The following HSPG2 variants were observed in gnomAD, a reference collection of about 807,000 sequenced individuals.
HSPG2 encodes the protein basement membrane-specific heparan sulfate proteoglycan core protein.
Under a neutral mutation model 526.6 loss-of-function variants are expected in HSPG2, and 278 were observed. That is an observed-to-expected ratio of 0.53 (90% CI 0.48 to 0.58). The LOEUF (loss-of-function observed/expected upper bound fraction) is 0.58. Among genes scored for constraint, HSPG2 ranks in the 20% least tolerant of loss-of-function variants. The probability of loss-of-function intolerance (pLI) is 0.00; values close to 1 mark genes in which losing one functional copy is unlikely to be tolerated. For synonymous variants in HSPG2, 2,465 were observed against 2,555.4 expected, an observed-to-expected ratio of 0.96 and a Z score of 1.07; for missense variants, 5,354 against 6,099.5, an observed-to-expected ratio of 0.88 and a Z score of 4.07.
Position 21,876,331 on chromosome 1 carries a change from G to T in HSPG2, c.2901C>A (p.Gly967=). 1 of 1,614,002 alleles carries T rather than the reference G, an allele frequency of 6.2e-7. No homozygotes were observed. The highest frequency in any genetic ancestry group is 8.5e-7 in the Non-Finnish European group (1 of 1,179,990). The change falls in exon 23 of 97, where the codon GGC becomes GGA. Residue 967 remains glycine (G), a synonymous_variant. Transcript: ENST00000374695. ...GTTCCCCGGGCGTGGGGGAGAAGAT[G>T]CCCTCGTTGGTGGTGTGGGTGCTTG... ...NAASTHTTNE[G]IFSPTPGELG... is the part of the protein sequence containing the mutation.
intron 56 of HSPG2, 26 bp from the exon 57 acceptor site, chr1:21,850,218 T>C (rs138374305): frequency 9.3e-6 from 15 of 1,613,144 alleles, no homozygotes; most frequent in African/African-American, 4.0e-5. Flanking sequence ...AAAGGGTCAA[T>C]AGCCGGCTAG....
At chr1:21,900,100 G>T (rs1191283748) in intron 1 of HSPG2, among the ~76,000 whole-genome samples, 16 of 152,244 alleles carry the variant, frequency 1.1e-4, no homozygotes, top group Non-Finnish European at 5.9e-5. Flanking sequence ...GGCGGTGAGG[G>T]AGCCCGGCTT....
Position 21,865,278 on chromosome 1 carries a change from C to T in HSPG2, c.4395+7G>A, listed in dbSNP as rs753926521. On this transcript the variant is annotated splice_region_variant and intron_variant, in intron 35 of 96. Coordinates refer to ENST00000374695, the MANE Select transcript of HSPG2 (RefSeq NM_005529.7). This position sits in a 1 kb window ranked among gnomAD's most constrained non-coding sequence, Gnocchi z 5.4. ...GGTTAGACACAGCATGGCCAGGTGCCCCTTACCTCTCGGAACATGATCTCG... is the reference window on the plus strand; with the variant it reads ...GGTTAGACACAGCATGGCCAGGTGCTCCTTACCTCTCGGAACATGATCTCG... 8.7e-6 allele frequency: 14 copies of T among 1,613,660 alleles called. No homozygotes were observed. The South Asian group carries it at 1.4e-4, about 16-fold the overall frequency.
intron 80 of HSPG2, 174 bp from the exon 81 acceptor site, chr1:21,832,780 C>T (rs759673574): frequency 3.6e-5 from 22 of 615,966 alleles, no homozygotes; most frequent in East Asian, 2.2e-4. Flanking sequence ...GTGCCCCAAA[C>T]GCAAGGGCCT....
At position 21,937,157 on chromosome 1, in the gene HSPG2, C is replaced by T; in HGVS notation, c.61G>A (p.Ala21Thr). Residue 21 changes from alanine to threonine, a missense_variant and splice_region_variant, in exon 1 of 97, where the codon GCG becomes ACG. Coordinates refer to ENST00000374695, the MANE Select transcript of HSPG2 (RefSeq NM_005529.7). ...GCCCCTCTGCCCCGCACACTCACCG[C>T]CAGCAGCCGCCCGTGCAGCAGCAGC... ...LALLLHGRLL[A>T]VTHGLRAYDG... is the part of the protein sequence containing the mutation. 1 of 1,031,906 alleles carries T rather than the reference C, an allele frequency of 9.7e-7. No homozygotes were observed. 63.9% of individuals were successfully genotyped at this position (1,031,906 alleles called of 1,614,324 possible).
rs747834765 is a variant in HSPG2, at chr1:21,884,777, G to A, written c.1497C>T (p.Val499=). 16 of 1,613,452 alleles carry A rather than the reference G, an allele frequency of 9.9e-6. No homozygotes were observed. Among genetic ancestry groups the A allele is most frequent in the Non-Finnish European group, 1.4e-5 (16 of 1,180,002 alleles). The part of the protein sequence containing the change: ...FGIPDGVLEL[V]PQRGPCPDGH... ...GCCCTCCGGCAGTACCTCGTTGTGGGACGAGCTCAAGGACACCGTCAGGAA... is the reference window on the plus strand; with the variant it reads ...GCCCTCCGGCAGTACCTCGTTGTGGAACGAGCTCAAGGACACCGTCAGGAA... The change falls in exon 12 of 97, where the codon GTC becomes GTT. Residue 499 remains valine, a synonymous_variant. Coordinates refer to ENST00000374695, the MANE Select transcript of HSPG2 (RefSeq NM_005529.7).
In HSPG2 at chr1:21,852,935, A is replaced by G; in HGVS notation, c.6575T>C (p.Leu2192Pro). The G allele has an allele frequency of 6.2e-7, 1 of 1,613,172 alleles. No homozygotes were observed. The highest frequency in any genetic ancestry group is 2.2e-5 in the East Asian group (1 of 44,872). The change falls in exon 51 of 97, where the codon CTC becomes CCC. Residue 2192 changes from leucine to proline, a missense_variant. Physicochemically the swap from Leu to Pro is moderately conservative, Grantham distance 98. Coordinates refer to ENST00000374695, the MANE Select transcript of HSPG2 (RefSeq NM_005529.7). ...CTGCCATACCTGGTGCCGGGCAGGGAGGCTGCCCCCACGCTTGTGCCACGT... is the reference window on the plus strand; with the variant it reads ...CTGCCATACCTGGTGCCGGGCAGGGGGGCTGCCCCCACGCTTGTGCCACGT... ...QVTWHKRGGSLPARHQTHGSL... is the reference protein window; with the variant it reads ...QVTWHKRGGSPPARHQTHGSL...
In HSPG2 at chr1:21,841,495, G is replaced by T. The variant is rs2270697; in HGVS notation, c.9328+44C>A. On this transcript the variant is annotated intron_variant, in intron 70 of 96. Transcript: ENST00000374695. ...TTGGAGGCTCTGAGCTGAGAATCAG[G>T]GCTGGAAACAGGGCAGAGCCCCACA... 0.17 allele frequency: 279,350 copies of T among 1,611,542 alleles called. 26,073 individuals carry two copies. The highest frequency in any genetic ancestry group is 0.27 in the South Asian group (24,271 of 90,994).
chr1:21,831,136 C>T, intron 84 of HSPG2, 46 bp from the exon 85 acceptor site: 1 of 1,604,218 alleles, frequency 6.2e-7, no homozygotes, highest in Non-Finnish European at 8.5e-7. Flanking sequence ...TTCAGTACCC[C>T]CCATAATCCC....
rs1640693261 is a variant in HSPG2 at position 21,872,069 on chromosome 1, C to T, written c.4221+117G>A. The T allele has an allele frequency of 9.7e-6, 11 of 1,129,372 alleles. No homozygotes were observed. The South Asian group carries it at 1.5e-4, about 15-fold the overall frequency. The allele number at this position is 1,129,372 out of a possible 1,614,324, so 70.0% of individuals were successfully genotyped here. The stretch of plus-strand genomic sequence containing the variant: ...CCAATGTCTATGGGACTGCAAAAGC[C>T]ACGTGCCTAACCACGATATGGCCAT... On this transcript the variant is annotated intron_variant, in intron 33 of 96. Coordinates refer to ENST00000374695, the MANE Select transcript of HSPG2 (RefSeq NM_005529.7). The surrounding 1 kb of genome is among the most constrained non-coding windows in gnomAD (Gnocchi z 5.5).
In HSPG2 at chr1:21,829,708, G is replaced by T. The variant is rs549082790; in HGVS notation, c.11771-104C>A. 18 of 1,022,906 alleles carry T rather than the reference G, an allele frequency of 1.8e-5. No homozygotes were observed. The African/African-American group carries it at 2.4e-4, about 14-fold the overall frequency. The allele number at this position is 1,022,906 out of a possible 1,614,324, so 63.4% of individuals were successfully genotyped here. A position where few individuals can be genotyped will look rare whatever the true frequency, so the allele number is the denominator to read the frequency against. ...GGACCCTTGCCTGCCTCACTCTCCA[G>T]GCCCAGAGGCTCAGGACCAGTTGGC... is the stretch of plus-strand genomic sequence containing the variant. On this transcript the variant is annotated intron_variant, in intron 86 of 96. Coordinates refer to ENST00000374695, the MANE Select transcript of HSPG2 (RefSeq NM_005529.7).
Position 21,860,388 on chromosome 1 carries a change from C to T in HSPG2, c.4956-153G>A, listed in dbSNP as rs141303140. On this transcript the variant is annotated intron_variant, in intron 39 of 96. Coordinates refer to ENST00000374695, the MANE Select transcript of HSPG2 (RefSeq NM_005529.7). ...ACTTTGGGGACCAGACAGGCCCCAACGCAGGGTGCTGGTGAACTGAGAAAG... is the reference window on the plus strand; with the variant it reads ...ACTTTGGGGACCAGACAGGCCCCAATGCAGGGTGCTGGTGAACTGAGAAAG... Among the ~76,000 whole-genome samples the T allele has an allele frequency of 1.3e-3, 199 of 152,284 alleles. 1 individual carries two copies. The highest frequency in any genetic ancestry group is 4.5e-3 in the African/African-American group (185 of 41,542).
chr1:21,826,913 G>A (rs1406489740), intron 91 of HSPG2, among the ~76,000 whole-genome samples: 1 of 152,068 alleles, frequency 6.6e-6, no homozygotes, highest in Non-Finnish European at 1.5e-5. Context: ...GGTGGCTTAT[G>A]CCTGTAATCC....
Position 21,835,015 on chromosome 1 carries a change from C to G in HSPG2, c.10454-70G>C, listed in dbSNP as rs138556466. The G allele has an allele frequency of 2.3e-5, 36 of 1,566,002 alleles. No homozygotes were observed. In the African/African-American group the frequency reaches 4.2e-4, roughly 18 times the overall value. ...GGCCTGGCCCGAGGGAGGCCATAGA[C>G]TGCCCAAGGAAAGGTGAGCACTGAA... On this transcript the variant is annotated intron_variant, in intron 76 of 96. Coordinates refer to ENST00000374695, the MANE Select transcript of HSPG2 (RefSeq NM_005529.7).
intron 28 of HSPG2, 72 bp from the exon 29 acceptor site, chr1:21,874,083 C>A: frequency 7.5e-7 from 1 of 1,341,514 alleles, no homozygotes; most frequent in South Asian, 1.3e-5. Flanking sequence ...CCTTCAGGAC[C>A]AGGGGAGAGG....
intron 1 of HSPG2, among the ~76,000 whole-genome samples, chr1:21,922,902 C>A (rs1170670452): frequency 3.9e-5 from 6 of 152,146 alleles, no homozygotes; most frequent in African/African-American, 1.4e-4. Flanking sequence ...TTAATTAACC[C>A]TTTCCTCCCA....
Position 21,829,614 on chromosome 1 carries a change from C to T in HSPG2, c.11771-10G>A, listed in dbSNP as rs1216035088. 6.2e-7 allele frequency: 1 copy of T among 1,600,202 alleles called. No individual in the cohort carries two copies. The highest frequency in any genetic ancestry group is 8.5e-7 in the Non-Finnish European group (1 of 1,171,530). On this transcript the variant is annotated splice_polypyrimidine_tract_variant and intron_variant, in intron 86 of 96. Coordinates refer to ENST00000374695, the MANE Select transcript of HSPG2 (RefSeq NM_005529.7). ...GTGGTCACTGTCACACCTGCAGCAG[C>T]CACAGCTCAGCTGAGGCAGTGGGGA...
intron 1 of HSPG2, among the ~76,000 whole-genome samples, chr1:21,935,126 C>A (rs1644455306): frequency 6.8e-6 from 1 of 146,900 alleles, no homozygotes; most frequent in African/African-American, 2.5e-5. Context: ...AGGCTGGTCT[C>A]AAACTCCTGA....
At position 21,875,019 on chromosome 1, in the gene HSPG2, C is replaced by T. The variant is rs1296559679; in HGVS notation, c.3303-17G>A. The T allele has an allele frequency of 1.3e-6, 2 of 1,562,238 alleles. No individual in the cohort carries two copies. Among genetic ancestry groups the T allele is most frequent in the African/African-American group, 1.3e-5 (1 of 74,240 alleles). ...CCAGAGACCCTGGGCGTGACAAGACCCAGCGTGAATAGGAGTGCTGGCTCT... is the reference window on the plus strand; with the variant it reads ...CCAGAGACCCTGGGCGTGACAAGACTCAGCGTGAATAGGAGTGCTGGCTCT... On this transcript the variant is annotated splice_polypyrimidine_tract_variant and intron_variant, in intron 25 of 96. Coordinates refer to ENST00000374695, the MANE Select transcript of HSPG2 (RefSeq NM_005529.7).
Sources: gnomAD v4.1 joint callset for allele counts (sites outside exome capture counted in the v4.1 genomes callset) on GRCh38, gnomAD v4.1.1 for gene constraint, Gnocchi (gnomAD v3.1) non-coding constraint, MANE v1.5 for transcripts, NCBI Gene and HGNC (gene_info 2026-07-23, HGNC 2026-07-21) for gene names.